The following NCAPD3 variants were observed in gnomAD, a reference collection of about 807,000 sequenced individuals.
The protein encoded by NCAPD3 is non-SMC condensin II complex subunit D3.
NCAPD3 carries 105 observed loss-of-function variants against 182.9 expected under a neutral mutation model. The ratio of observed to expected loss-of-function variants is 0.57; its 90% CI spans 0.49 to 0.68. The LOEUF (loss-of-function observed/expected upper bound fraction) is 0.68. NCAPD3 is among the 30% of genes least tolerant of loss of function. The probability of loss-of-function intolerance (pLI) is 0.00; values close to 1 mark genes in which losing one functional copy is unlikely to be tolerated. For missense variants in NCAPD3, 1,944 were observed against 1,837.0 expected, an observed-to-expected ratio of 1.06 and a Z score of -1.07; for synonymous variants, 815 against 679.9, an observed-to-expected ratio of 1.20 and a Z score of -3.09.
rs1302197925 is a variant in NCAPD3 at position 134,181,285 on chromosome 11, A to G, written c.2452-101T>C. The G allele has an allele frequency of 1.3e-5, 10 of 760,996 alleles. No individual in the cohort carries two copies. The Admixed American group carries it at 1.4e-4, about 11-fold the overall frequency. 47.1% of individuals were successfully genotyped at this position (760,996 alleles called of 1,614,324 possible). A position where few individuals can be genotyped will look rare whatever the true frequency, so the allele number is the denominator to read the frequency against. On this transcript the variant is annotated intron_variant, in intron 19 of 34. Transcript: ENST00000534548. Reference sequence around the variant, plus strand: ...AAGAAACTATGATCTTCAAATGGATAGGCTGTAGGGGTGCTTCCTAGCTTT... The same window carrying G: ...AAGAAACTATGATCTTCAAATGGATGGGCTGTAGGGGTGCTTCCTAGCTTT...
chr11:134,175,191 C>G (rs1362276312), intron 24 of NCAPD3, among the ~76,000 whole-genome samples: 1 of 152,174 alleles, frequency 6.6e-6, no homozygotes, highest in African/African-American at 2.4e-5. Flanking sequence ...TAGGGGCTAA[C>G]AACAGCGGGG....
intron 2 of NCAPD3, among the ~76,000 whole-genome samples, chr11:134,218,113 G>T (rs1040186684): frequency 9.3e-6 from 1 of 107,032 alleles, no homozygotes; most frequent in South Asian, 4.6e-4. Flanking sequence ...AAAAAAAAGG[G>T]GGGGGGGGGA....
At chr11:134,203,506 G>T in intron 11 of NCAPD3, 148 bp downstream of exon 11, 2 of 1,102,824 alleles carry the variant, frequency 1.8e-6, no homozygotes, top group African/African-American at 1.6e-5. Context: ...AAGTTATTTG[G>T]CAAGAAAATA....
intron 29 of NCAPD3, among the ~76,000 whole-genome samples, chr11:134,159,682 C>A (rs1255646730): frequency 6.6e-6 from 1 of 152,222 alleles, no homozygotes; most frequent in Non-Finnish European, 1.5e-5. Context: ...GCTTCCTGCA[C>A]CACGTCCTCA....
At position 134,181,171 on chromosome 11, in the gene NCAPD3, T is replaced by C; in HGVS notation, c.2465A>G (p.Gln822Arg). The change falls in exon 20 of 35, where the codon CAG becomes CGG. Residue 822 changes from glutamine (Q) to arginine (R), a missense_variant. Around this residue, in one of 3 missense-constraint regions of NCAPD3, gnomAD observed 1,803 missense variants for 1,674.6 expected, o/e 1.08. Transcript: ENST00000534548. ...GGTGGAGAGTACATCCCCACACACC[T>C]GCGTCAGCAATTCCTACGGCAAGTC... is the stretch of plus-strand genomic sequence containing the variant. ...TPAEEQELLT[Q>R]VCGDVLSTCE... 1 of 1,613,574 alleles carries C rather than the reference T, an allele frequency of 6.2e-7. No homozygotes were observed. The highest frequency in any genetic ancestry group is 1.3e-5 in the African/African-American group (1 of 75,038).
At chr11:134,189,097 A>G (rs1347983910) in intron 16 of NCAPD3, among the ~76,000 whole-genome samples, 3 of 152,206 alleles carry the variant, frequency 2.0e-5, no homozygotes, top group Non-Finnish European at 4.4e-5. Flanking sequence ...AAAAATGCCT[A>G]TATAGAACTG....
In NCAPD3 at chr11:134,152,493, T is replaced by A. The variant is rs11223717; in HGVS notation, c.*451A>T. On this transcript the variant is annotated 3_prime_UTR_variant, in exon 35 of 35. Coordinates refer to ENST00000534548, the MANE Select transcript of NCAPD3 (RefSeq NM_015261.3). Reference sequence around the variant, plus strand: ...ACTTTTAGAAAGCTGTACACTTTTTTAAAAAATTTGCACTTATAAATAATA... The same window carrying A: ...ACTTTTAGAAAGCTGTACACTTTTTAAAAAAATTTGCACTTATAAATAATA... 0.049 allele frequency: 7,446 copies of A among 152,956 alleles called. 236 individuals carry two copies. The highest frequency in any genetic ancestry group is 0.06 in the Non-Finnish European group (4,109 of 68,522). 9.5% of individuals were successfully genotyped at this position (152,956 alleles called of 1,614,324 possible). A position where few individuals can be genotyped will look rare whatever the true frequency, so the allele number is the denominator to read the frequency against.
chr11:134,182,400 T>G (rs1319489230), intron 19 of NCAPD3, among the ~76,000 whole-genome samples: 1 of 152,254 alleles, frequency 6.6e-6, no homozygotes. Context: ...GAATACCAAA[T>G]AAATCCAATT....
chr11:134,158,503 A>C lies in NCAPD3; in HGVS notation c.3868-8T>G, dbSNP rs1943490535. On this transcript the variant is annotated splice_polypyrimidine_tract_variant and splice_region_variant and intron_variant, in intron 29 of 34. Transcript: ENST00000534548. ...TTCTAAACACAGGGCAACCTGGTAG[A>C]GAAGATAAAGAGTATGTACATTCTA... The C allele has an allele frequency of 6.2e-7, 1 of 1,611,510 alleles. No homozygotes were observed. The highest frequency in any genetic ancestry group is 1.3e-5 in the African/African-American group (1 of 74,928).
intron 17 of NCAPD3, 119 bp from the exon 18 acceptor site, chr11:134,185,119 G>A (rs1326221655): frequency 1.1e-6 from 1 of 929,778 alleles, no homozygotes; most frequent in Non-Finnish European, 1.7e-6. Flanking sequence ...TGGCTTAGGA[G>A]TCAAGCTGTG....
chr11:134,156,687 C>T (rs1213660958), intron 32 of NCAPD3, among the ~76,000 whole-genome samples: 2 of 149,972 alleles, frequency 1.3e-5, no homozygotes, highest in African/African-American at 5.1e-5. Flanking sequence ...CCAGTGCACC[C>T]GGACAGCCCA....
In NCAPD3 at chr11:134,163,034, G is replaced by A. The variant is rs565185481; in HGVS notation, c.3574-1143C>T. On this transcript the variant is annotated intron_variant, in intron 27 of 34. Coordinates refer to ENST00000534548, the MANE Select transcript of NCAPD3 (RefSeq NM_015261.3). ...GGCAAGAGCACACGAGTAGGGGGCA[G>A]CTCGCAACTGAGGTGCAGATGGCAA... 2.6e-5 allele frequency among the ~76,000 whole-genome samples: 4 copies of A among 152,280 alleles called. No individual in the cohort carries two copies. In the East Asian group the frequency reaches 7.7e-4, roughly 29 times the overall value.
intron 32 of NCAPD3, among the ~76,000 whole-genome samples, chr11:134,155,117 G>A (rs1299341260): frequency 6.6e-6 from 1 of 152,170 alleles, no homozygotes; most frequent in Non-Finnish European, 1.5e-5. Context: ...CCACCCGAAT[G>A]GTAACAGTAA....
Position 134,209,130 on chromosome 11 carries a change from G to C in NCAPD3, c.794+15C>G. On this transcript the variant is annotated intron_variant, in intron 6 of 34. Transcript: ENST00000534548. ...CTATACTTAAATTGTAGCACTGGAA[G>C]ATTTAATGGCTCACCTGGCTTGTGT... 1 of 1,609,306 alleles carries C rather than the reference G, an allele frequency of 6.2e-7. No individual in the cohort carries two copies. The highest frequency in any genetic ancestry group is 1.1e-5 in the South Asian group (1 of 90,150).
At chr11:134,156,803 A>G in intron 32 of NCAPD3, 1 of 446,380 alleles carries the variant, frequency 2.2e-6, no homozygotes, top group Non-Finnish European at 4.0e-6. Flanking sequence ...TGTTTGACTG[A>G]CTGAATGTAA....
chr11:134,168,811 G>A, intron 25 of NCAPD3, 106 bp downstream of exon 25: 1 of 1,453,356 alleles, frequency 6.9e-7, no homozygotes, highest in African/African-American at 1.4e-5. Flanking sequence ...GTAAAGACCT[G>A]GGGCAGGGTC....
rs183609099 is a variant in NCAPD3, at chr11:134,179,922, T to A, written c.2560-986A>T. Among the ~76,000 whole-genome samples, 639 of 152,054 alleles carry A rather than the reference T, an allele frequency of 4.2e-3. 4 individuals are homozygous for A. Among genetic ancestry groups the A allele is most frequent in the African/African-American group, 0.015 (613 of 41,454 alleles). On this transcript the variant is annotated intron_variant, in intron 20 of 34. Coordinates refer to ENST00000534548, the MANE Select transcript of NCAPD3 (RefSeq NM_015261.3). ...CTCTTCATTAAAAAAATATTTAAGT[T>A]CTATTTAAAGAAGCAAGAATGAAAC... is the stretch of plus-strand genomic sequence containing the variant.
intron 7 of NCAPD3, among the ~76,000 whole-genome samples, chr11:134,208,023 G>T (rs1020845273): frequency 1.3e-5 from 2 of 152,110 alleles, no homozygotes; most frequent in Non-Finnish European, 2.9e-5. Flanking sequence ...GGTAGACTTT[G>T]GTCCTTTTTG....
chr11:134,157,164 G>T, intron 31 of NCAPD3, 69 bp from the exon 32 acceptor site: 1 of 1,249,740 alleles, frequency 8.0e-7, no homozygotes, highest in South Asian at 1.4e-5. Context: ...ACAACCACAT[G>T]AGAAAACATA....
Sources: gnomAD v4.1 joint callset for allele counts (sites outside exome capture counted in the v4.1 genomes callset) on GRCh38, gnomAD v4.1.1 for gene constraint, gnomAD v4.1.1 regional missense constraint, MANE v1.5 for transcripts, NCBI Gene and HGNC (gene_info 2026-07-23, HGNC 2026-07-21) for gene names.